The following BDH2 variants were observed in gnomAD, a reference collection of about 807,000 sequenced individuals.
The protein encoded by BDH2 is dehydrogenase/reductase SDR family member 6.
BDH2 carries 24 observed loss-of-function variants against 33.2 expected under a neutral mutation model. The observed-to-expected ratio is 0.72, with a 90% CI of 0.52 to 1.02. The LOEUF (loss-of-function observed/expected upper bound fraction) is 1.02, where lower values mean the gene tolerates loss of function less well. Ranked by LOEUF, BDH2 falls within the 50% of genes least tolerant of loss-of-function variation. The probability of loss-of-function intolerance (pLI) is 0.00; values close to 1 mark genes in which losing one functional copy is unlikely to be tolerated. For missense variants in BDH2, 249 were observed against 301.6 expected, an observed-to-expected ratio of 0.83 and a Z score of 1.29; for synonymous variants, 81 against 101.6, an observed-to-expected ratio of 0.80 and a Z score of 1.22.
At chr4:103,083,478 C>A (rs1747618475) in intron 7 of BDH2, among the ~76,000 whole-genome samples, 1 of 152,082 alleles carries the variant, frequency 6.6e-6, no homozygotes, top group Non-Finnish European at 1.5e-5. Flanking sequence ...GTTTCAAATG[C>A]CTACTTTTAA....
At position 103,082,865 on chromosome 4, in the gene BDH2, A is replaced by C; in HGVS notation, c.591+6T>G. The C allele has an allele frequency of 6.2e-7, 1 of 1,604,182 alleles. No homozygotes were observed. ...GGTTTAAATACATTTTAAATGCTAG[A>C]TGTACCTCTTCAGGATTTCCTCTGG... On this transcript the variant is annotated splice_donor_region_variant and intron_variant, in intron 8 of 9. Transcript: ENST00000296424.
chr4:103,095,616 T>G (rs923783667), intron 2 of BDH2, among the ~76,000 whole-genome samples: 7 of 152,216 alleles, frequency 4.6e-5, no homozygotes, highest in Non-Finnish European at 1.0e-4. Flanking sequence ...TTTCTGAGTT[T>G]GAGTTACTAA....
chr4:103,086,563 A>G, intron 5 of BDH2, 23 bp from the exon 6 acceptor site: 1 of 1,078,310 alleles, frequency 9.3e-7, no homozygotes, highest in Non-Finnish European at 1.3e-6. Context: ...AACAAATACA[A>G]AAAAAAAAAA....
chr4:103,094,017 G>A (rs924819445), intron 3 of BDH2, among the ~76,000 whole-genome samples: 9 of 152,020 alleles, frequency 5.9e-5, no homozygotes, highest in African/African-American at 1.9e-4. Context: ...TTGCTGTAAG[G>A]GTTACCTTTC....
At chr4:103,095,431 C>A (rs1444435699) in intron 2 of BDH2, 150 bp from the exon 3 acceptor site, 3 of 579,784 alleles carry the variant, frequency 5.2e-6, no homozygotes, top group East Asian at 5.9e-5. Flanking sequence ...TCTAGTCTTA[C>A]CCCTTCTCCA....
At chr4:103,095,160 T>G (rs1206677299) in intron 3 of BDH2, 43 bp downstream of exon 3, 1 of 1,509,260 alleles carries the variant, frequency 6.6e-7, no homozygotes, top group Non-Finnish European at 9.2e-7. Context: ...TTATAATACC[T>G]TGCAGACACT....
Position 103,078,099 on chromosome 4 carries a change from A to G in BDH2, c.*1603T>C, listed in dbSNP as rs962666548. Reference sequence around the variant, plus strand: ...AAAGTTCTAGGAAAAAAGGCTAAGAATCACTGCACATTTATTGAGTATCTC... The same window carrying G: ...AAAGTTCTAGGAAAAAAGGCTAAGAGTCACTGCACATTTATTGAGTATCTC... On this transcript the variant is annotated 3_prime_UTR_variant, in exon 10 of 10. Transcript: ENST00000296424. 6.6e-6 allele frequency among the ~76,000 whole-genome samples: 1 copy of G among 152,224 alleles called. No individual in the cohort carries two copies.
intron 7 of BDH2, 67 bp downstream of exon 7, chr4:103,085,282 A>G (rs1187482715): frequency 5.5e-6 from 7 of 1,272,052 alleles, no homozygotes; most frequent in East Asian, 2.5e-5. Flanking sequence ...AGGCAATAAC[A>G]TAAGCAAATT....
chr4:103,090,888 A>G (rs1018250119), intron 5 of BDH2, among the ~76,000 whole-genome samples: 8 of 152,172 alleles, frequency 5.3e-5, no homozygotes, highest in African/African-American at 1.9e-4. Context: ...CTCACCCCCA[A>G]TAATGGAACC....
At chr4:103,092,969 A>G (rs1334689314) in intron 3 of BDH2, among the ~76,000 whole-genome samples, 1 of 152,194 alleles carries the variant, frequency 6.6e-6, no homozygotes, top group Admixed American at 6.5e-5. Flanking sequence ...ATGGCTTTAT[A>G]GTAAAGAATG....
chr4:103,082,496 T>TA (rs1747572663), intron 8 of BDH2, among the ~76,000 whole-genome samples: 1 of 152,142 alleles, frequency 6.6e-6, no homozygotes, highest in Admixed American at 6.6e-5. Flanking sequence ...TAGTGTTAGG[T>TA]ACATTCACAC....
At chr4:103,084,544 C>A (rs371880481) in intron 7 of BDH2, among the ~76,000 whole-genome samples, 1 of 152,238 alleles carries the variant, frequency 6.6e-6, no homozygotes, top group Non-Finnish European at 1.5e-5. Flanking sequence ...TTTTCCAAAT[C>A]ATTTTACCAC....
chr4:103,087,456 G>T (rs1193922735), intron 5 of BDH2, among the ~76,000 whole-genome samples: 1 of 152,190 alleles, frequency 6.6e-6, no homozygotes, highest in Non-Finnish European at 1.5e-5. Flanking sequence ...AATGTCTATG[G>T]GTAGCTGAGG....
intron 3 of BDH2, among the ~76,000 whole-genome samples, chr4:103,092,987 T>C (rs996921465): frequency 2.6e-5 from 4 of 152,214 alleles, no homozygotes; most frequent in African/African-American, 9.6e-5. Flanking sequence ...ATGACTGGTG[T>C]ACATTAGATG....
intron 3 of BDH2, among the ~76,000 whole-genome samples, chr4:103,094,627 T>A (rs1748275291): frequency 6.6e-6 from 1 of 152,004 alleles, no homozygotes; most frequent in Non-Finnish European, 1.5e-5. Context: ...AGAAAATTAA[T>A]GTTTGAAGTT....
At chr4:103,092,781 G>T in intron 3 of BDH2, 85 bp from the exon 4 acceptor site, 1 of 930,110 alleles carries the variant, frequency 1.1e-6, no homozygotes, top group Non-Finnish European at 1.7e-6. Flanking sequence ...TGTGAAGATT[G>T]CAACATCTAT....
intron 5 of BDH2, among the ~76,000 whole-genome samples, chr4:103,089,879 A>G (rs545924437): frequency 4.6e-5 from 7 of 152,354 alleles, no homozygotes; most frequent in South Asian, 4.1e-4. Flanking sequence ...CTAGTTCAAC[A>G]TTCTGTGGAC....
chr4:103,098,408 C>A (rs2125814636), intron 1 of BDH2, among the ~76,000 whole-genome samples: 1 of 152,308 alleles, frequency 6.6e-6, no homozygotes, highest in South Asian at 2.1e-4. Flanking sequence ...GCCCTGCGGG[C>A]CTCTCTAAAT....
chr4:103,082,170 G>T lies in BDH2; in HGVS notation c.595C>A (p.Arg199=), dbSNP rs147767922. ...TTTTGTCTCTTCAGGAAATCATTCCGTGCCTGTGACCAGAGACCATACCAG... is the reference window on the plus strand; with the variant it reads ...TTTTGTCTCTTCAGGAAATCATTCCTTGCCTGTGACCAGAGACCATACCAG... ...IQARGNPEEA[R]NDFLKRQKTG... The change falls in exon 9 of 10, where the codon CGG becomes AGG. Residue 199 remains arginine (R), a synonymous_variant. Transcript: ENST00000296424. The T allele has an allele frequency of 5.0e-6, 8 of 1,613,602 alleles. No individual in the cohort carries two copies. In the East Asian group the frequency reaches 8.9e-5, roughly 18 times the overall value.
Sources: allele counts gnomAD v4.1 joint callset (sites outside exome capture counted in the v4.1 genomes callset), GRCh38; gene constraint gnomAD v4.1.1; transcripts MANE v1.5; gene names NCBI Gene and HGNC (gene_info 2026-07-23, HGNC 2026-07-21).